The following CTNNA3 variants were observed in gnomAD, a reference collection of about 807,000 sequenced individuals.
CTNNA3 encodes the protein catenin alpha 3.
A neutral mutation model predicts 95.7 loss-of-function variants in CTNNA3; 76 were observed. The ratio of observed to expected loss-of-function variants is 0.79; its 90% CI spans 0.66 to 0.96. CTNNA3 has a LOEUF of 0.96. Ranked by LOEUF, CTNNA3 falls within the 40% of genes least tolerant of loss-of-function variation. The pLI is 0.00. For synonymous variants in CTNNA3, 431 were observed against 374.4 expected (o/e 1.15, Z -1.74); for missense variants, 1,191 against 1,089.8 (o/e 1.09, Z -1.31).
At chr10:67,428,929 G>C (rs909401483) in intron 5 of CTNNA3, among the ~76,000 whole-genome samples, 1 of 151,880 alleles carries the variant, frequency 6.6e-6, no homozygotes, top group African/African-American at 2.4e-5. Flanking sequence ...AGGACCTTGT[G>C]ATCATGTAAG....
chr10:66,169,691 G>A (rs10822735), intron 13 of CTNNA3, among the ~76,000 whole-genome samples: 1 of 152,016 alleles, frequency 6.6e-6, no homozygotes, highest in South Asian at 2.1e-4. Context: ...TCTATTATTT[G>A]TTTATTTTTT....
chr10:66,968,825 T>C (rs1849572014), intron 7 of CTNNA3, among the ~76,000 whole-genome samples: 1 of 152,058 alleles, frequency 6.6e-6, no homozygotes, highest in Non-Finnish European at 1.5e-5. Flanking sequence ...AAGACGAGCC[T>C]GGCCAACATG....
At chr10:65,977,495 T>C (rs1057160830) in intron 16 of CTNNA3, among the ~76,000 whole-genome samples, 3 of 152,150 alleles carry the variant, frequency 2.0e-5, no homozygotes, top group African/African-American at 7.2e-5. Flanking sequence ...AAAATGACTT[T>C]TGCAGCCAGG....
chr10:67,317,935 G>A (rs1841130973), intron 5 of CTNNA3, among the ~76,000 whole-genome samples: 1 of 151,896 alleles, frequency 6.6e-6, no homozygotes, highest in Non-Finnish European at 1.5e-5. Flanking sequence ...TCAGGAGACA[G>A]CTTAATAAAC....
chr10:67,021,148 C>A (rs1852985030), intron 7 of CTNNA3, among the ~76,000 whole-genome samples: 1 of 152,002 alleles, frequency 6.6e-6, no homozygotes, highest in South Asian at 2.1e-4. Flanking sequence ...GCCAGTCAGG[C>A]TATTGAAAGT....
chr10:66,471,080 G>A (rs921022122), intron 11 of CTNNA3, among the ~76,000 whole-genome samples: 2 of 151,828 alleles, frequency 1.3e-5, no homozygotes, highest in Admixed American at 1.3e-4. Flanking sequence ...GAGAGGAAAT[G>A]GCGTTGGAAA....
chr10:66,093,164 C>A (rs1208459128), intron 14 of CTNNA3, among the ~76,000 whole-genome samples: 1 of 151,870 alleles, frequency 6.6e-6, no homozygotes, highest in South Asian at 2.1e-4. Flanking sequence ...CTATAATATA[C>A]AGTGTTTTAA....
At chr10:66,326,207 A>G (rs1352917945) in intron 12 of CTNNA3, among the ~76,000 whole-genome samples, 1 of 152,120 alleles carries the variant, frequency 6.6e-6, no homozygotes, top group African/African-American at 2.4e-5. Flanking sequence ...TTTAGAGCAG[A>G]ATGTATCAAA....
rs146941914 is a variant in CTNNA3, at chr10:67,214,176, A to G, written c.843+5431T>C. Among the ~76,000 whole-genome samples the G allele has an allele frequency of 6.3e-3, 959 of 151,864 alleles. 12 individuals are homozygous for G. Among genetic ancestry groups the G allele is most frequent in the African/African-American group, 0.019 (782 of 41,532 alleles). On this transcript the variant is annotated intron_variant, in intron 6 of 17. Coordinates refer to ENST00000433211, the MANE Select transcript of CTNNA3 (RefSeq NM_013266.4). The stretch of plus-strand genomic sequence containing the variant: ...TTTTATTATGTTTTCTACTGTGTGT[A>G]CATCCTTCTTTTTCCACAGTGTTTT...
At chr10:67,442,953 A>G (rs1260679233) in intron 5 of CTNNA3, among the ~76,000 whole-genome samples, 2 of 61,800 alleles carry the variant, frequency 3.2e-5, no homozygotes, top group African/African-American at 6.8e-5. Flanking sequence ...CCCTCCCCCC[A>G]CCCCACAACA....
Position 65,914,378 on chromosome 10 carries a change from T to C in CTNNA3, c.*5952A>G, listed in dbSNP as rs1289807144. 4 of 152,012 alleles carry C rather than the reference T, an allele frequency of 2.6e-5. No individual in the cohort carries two copies. The highest frequency in any genetic ancestry group is 2.6e-4 in the Admixed American group (4 of 15,242). 9.4% of individuals were successfully genotyped at this position (152,012 alleles called of 1,614,324 possible). On this transcript the variant is annotated 3_prime_UTR_variant, in exon 18 of 18. Coordinates refer to ENST00000433211, the MANE Select transcript of CTNNA3 (RefSeq NM_013266.4). ...AAGAAATATCAGAAAGTCATTTAACTCTCCAAGGCCTGAGATTTGAAAGCC... is the reference window on the plus strand; with the variant it reads ...AAGAAATATCAGAAAGTCATTTAACCCTCCAAGGCCTGAGATTTGAAAGCC...
intron 3 of CTNNA3, among the ~76,000 whole-genome samples, chr10:67,560,313 A>G (rs1841457724): frequency 6.6e-6 from 1 of 151,030 alleles, no homozygotes; most frequent in African/African-American, 2.4e-5. Context: ...ACAAACCAGA[A>G]GAGAGTGGGG....
chr10:66,065,675 A>C (rs918749803), intron 15 of CTNNA3, among the ~76,000 whole-genome samples: 3 of 151,868 alleles, frequency 2.0e-5, no homozygotes, highest in African/African-American at 7.3e-5. Context: ...TTTCTTTATC[A>C]GATTCTATTT....
At chr10:67,377,913 G>C (rs891068766) in intron 5 of CTNNA3, among the ~76,000 whole-genome samples, 2 of 151,812 alleles carry the variant, frequency 1.3e-5, no homozygotes, top group Non-Finnish European at 2.9e-5. Context: ...AGACAGTCTT[G>C]CTCTGTCACC....
chr10:65,944,760 G>A (rs984564217), intron 17 of CTNNA3, among the ~76,000 whole-genome samples: 1 of 152,146 alleles, frequency 6.6e-6, no homozygotes, highest in African/African-American at 2.4e-5. Context: ...TGGTACAAAG[G>A]GGAGGCTTGT....
chr10:66,973,292 T>C (rs1458386676), intron 7 of CTNNA3, among the ~76,000 whole-genome samples: 2 of 152,122 alleles, frequency 1.3e-5, no homozygotes, highest in African/African-American at 4.8e-5. Context: ...AAATTGACAA[T>C]TAGAAGAAAA....
rs1337865170 is a variant in CTNNA3 at position 66,891,520 on chromosome 10, A to AG, written c.1048-115997dup. Among the ~76,000 whole-genome samples the AG allele has an allele frequency of 4.1e-4, 63 of 152,160 alleles. 1 individual carries two copies. Among genetic ancestry groups the AG allele is most frequent in the African/African-American group, 1.4e-3 (57 of 41,448 alleles). On this transcript the variant is annotated intron_variant, in intron 7 of 17. Transcript: ENST00000433211. ...AACTTCAAACTTTGTCTTCACTGTA[A>AG]GGATAATCAGTCAATTTGTTTTATC...
At chr10:67,725,240 G>A (rs954377516) in intron 1 of CTNNA3, among the ~76,000 whole-genome samples, 7 of 150,844 alleles carry the variant, frequency 4.6e-5, no homozygotes, top group East Asian at 3.9e-4. Flanking sequence ...GCAGCGGCAC[G>A]ATCTCGGCTC....
intron 7 of CTNNA3, among the ~76,000 whole-genome samples, chr10:66,911,415 A>G (rs1348282018): frequency 1.3e-5 from 2 of 152,196 alleles, no homozygotes; most frequent in Non-Finnish European, 2.9e-5. Flanking sequence ...ATAATTGAAG[A>G]CTTGTTTGTT....
Sources: allele counts gnomAD v4.1 joint callset (sites outside exome capture counted in the v4.1 genomes callset), GRCh38; gene constraint gnomAD v4.1.1; transcripts MANE v1.5; gene names NCBI Gene and HGNC (gene_info 2026-07-23, HGNC 2026-07-21).